The following MGMT variants were observed in gnomAD, a reference collection of about 807,000 sequenced individuals.
MGMT encodes the protein methylated-DNA--protein-cysteine methyltransferase.
MGMT carries 14 observed loss-of-function variants against 15.9 expected under a neutral mutation model. That is an observed-to-expected ratio of 0.88 (90% CI 0.58 to 1.37). The LOEUF (loss-of-function observed/expected upper bound fraction) is 1.37, where lower values mean the gene tolerates loss of function less well. Ranked by LOEUF, MGMT falls within the 40% of genes most tolerant of loss-of-function variation. The probability of loss-of-function intolerance (pLI) is 0.00; values close to 1 mark genes in which losing one functional copy is unlikely to be tolerated. For missense variants in MGMT, 282 were observed against 268.1 expected, an observed-to-expected ratio of 1.05 and a Z score of -0.36; for synonymous variants, 130 against 118.2, an observed-to-expected ratio of 1.10 and a Z score of -0.65.
chr10:129,545,053 A>G (rs1026692403), intron 2 of MGMT, among the ~76,000 whole-genome samples: 1 of 152,140 alleles, frequency 6.6e-6, no homozygotes, highest in Non-Finnish European at 1.5e-5. Flanking sequence ...CCGTCACTGC[A>G]CTTCGTCCTT....
intron 4 of MGMT, among the ~76,000 whole-genome samples, chr10:129,765,341 G>A (rs1848921327): frequency 6.6e-6 from 1 of 152,160 alleles, no homozygotes; most frequent in African/African-American, 2.4e-5. Context: ...ACTGCTTGTT[G>A]GGAAGCTTAA....
intron 2 of MGMT, among the ~76,000 whole-genome samples, chr10:129,611,270 G>A (rs1846956286): frequency 2.0e-5 from 3 of 152,164 alleles, no homozygotes; most frequent in African/African-American, 7.2e-5. Flanking sequence ...TCTGCTTCTG[G>A]AGAGGCCTCA....
chr10:129,564,144 C>G (rs960782085), intron 2 of MGMT: 6 of 146,010 alleles, frequency 4.1e-5, no homozygotes, highest in Non-Finnish European at 9.1e-5. Context: ...TTCCTCCCCT[C>G]AAGCTTCCTA....
At chr10:129,737,748 C>A (rs1444477015) in intron 3 of MGMT, among the ~76,000 whole-genome samples, 1 of 152,192 alleles carries the variant, frequency 6.6e-6, no homozygotes, top group African/African-American at 2.4e-5. Context: ...GATGTCCTTT[C>A]TGTTTGTTAG....
intron 2 of MGMT, among the ~76,000 whole-genome samples, chr10:129,611,024 A>T (rs1404712057): frequency 6.6e-6 from 1 of 152,192 alleles, no homozygotes; most frequent in Non-Finnish European, 1.5e-5. Context: ...AAACTTTGGT[A>T]TTTCAGCCTT....
intron 2 of MGMT, among the ~76,000 whole-genome samples, chr10:129,563,566 T>A (rs1846304689): frequency 6.6e-6 from 1 of 152,134 alleles, no homozygotes. Flanking sequence ...TTAAAAAAAA[T>A]CAAAAGACCT....
intron 2 of MGMT, among the ~76,000 whole-genome samples, chr10:129,654,900 ATTC>A (rs371020831): frequency 4.6e-5 from 7 of 152,292 alleles, no homozygotes; most frequent in East Asian, 3.9e-4. Context: ...GAAGAAAACT[ATTC>A]TTCTAACTCA....
At chr10:129,591,356 C>T (rs1037335221) in intron 2 of MGMT, among the ~76,000 whole-genome samples, 3 of 152,182 alleles carry the variant, frequency 2.0e-5, no homozygotes, top group Admixed American at 6.5e-5. Context: ...TCCACTCGTG[C>T]GGGAAGACAT....
chr10:129,617,863 T>TTTCAATTCCCA (rs1288172396), intron 2 of MGMT, among the ~76,000 whole-genome samples: 5 of 152,184 alleles, frequency 3.3e-5, no homozygotes, highest in East Asian at 1.9e-4. Flanking sequence ...GTCTGCAAAG[T>TTTCAATTCCCA]GTGCTTCTTA....
chr10:129,721,683 G>A (rs1564774065), intron 3 of MGMT, among the ~76,000 whole-genome samples: 1 of 152,138 alleles, frequency 6.6e-6, no homozygotes, highest in African/African-American at 2.4e-5. Flanking sequence ...TTATGAACAA[G>A]TATAATATTT....
intron 3 of MGMT, among the ~76,000 whole-genome samples, chr10:129,724,478 A>G (rs186594217): frequency 6.6e-6 from 1 of 152,314 alleles, no homozygotes; most frequent in African/African-American, 2.4e-5. Context: ...TCACATAGGT[A>G]TCTATCTGTG....
At chr10:129,604,978 G>A (rs1434949849) in intron 2 of MGMT, among the ~76,000 whole-genome samples, 2 of 152,226 alleles carry the variant, frequency 1.3e-5, no homozygotes, top group Non-Finnish European at 1.5e-5. Context: ...TCTCTGCTGT[G>A]TAGCAGGCAC....
At chr10:129,716,619 C>T (rs868206236) in intron 3 of MGMT, among the ~76,000 whole-genome samples, 4 of 152,210 alleles carry the variant, frequency 2.6e-5, no homozygotes, top group Non-Finnish European at 5.9e-5. Context: ...AGAAAATTCG[C>T]GTCTCTTCCT....
intron 2 of MGMT, among the ~76,000 whole-genome samples, chr10:129,606,543 G>A (rs748243529): frequency 4.6e-5 from 7 of 152,214 alleles, no homozygotes; most frequent in Non-Finnish European, 7.3e-5. Flanking sequence ...TACTTTGAAT[G>A]AAAAGTCATT....
At chr10:129,471,893 C>T (rs768229435) in intron 1 of MGMT, among the ~76,000 whole-genome samples, 3 of 152,192 alleles carry the variant, frequency 2.0e-5, no homozygotes, top group South Asian at 2.1e-4. Flanking sequence ...GGTCTGAGTA[C>T]GGTTTTGTAA....
In MGMT at chr10:129,680,137, G is replaced by T. The variant is rs558506109; in HGVS notation, c.126-27758G>T. 7.2e-5 allele frequency among the ~76,000 whole-genome samples: 11 copies of T among 152,320 alleles called. No individual in the cohort carries two copies. The South Asian group carries it at 2.3e-3, about 32-fold the overall frequency. On this transcript the variant is annotated intron_variant, in intron 2 of 4. Transcript: ENST00000651593. ...TCATATCCTATCGATTTGTGACAGC[G>T]ATCACATGCTATTGTAGTACAAGGA...
chr10:129,755,060 T>C (rs752750845), intron 3 of MGMT, among the ~76,000 whole-genome samples: 4 of 152,200 alleles, frequency 2.6e-5, no homozygotes, highest in Non-Finnish European at 5.9e-5. Flanking sequence ...TACTTGAAAT[T>C]CTTATCTTCT....
At chr10:129,696,101 CTTCA>C in intron 2 of MGMT, among the ~76,000 whole-genome samples, 1 of 152,232 alleles carries the variant, frequency 6.6e-6, no homozygotes, top group South Asian at 2.1e-4. Flanking sequence ...ACTGGGACCT[CTTCA>C]CTCCCCCTTT....
At chr10:129,550,217 T>G (rs974261069) in intron 2 of MGMT, among the ~76,000 whole-genome samples, 1 of 152,104 alleles carries the variant, frequency 6.6e-6, no homozygotes, top group Non-Finnish European at 1.5e-5. Context: ...GTTCACAATG[T>G]TCCGCAGCCA....
Sources: allele counts gnomAD v4.1 joint callset (sites outside exome capture counted in the v4.1 genomes callset), GRCh38; gene constraint gnomAD v4.1.1; transcripts MANE v1.5; gene names NCBI Gene and HGNC (gene_info 2026-07-23, HGNC 2026-07-21).